Variants in GDNF observed in about 807,000 individuals in gnomAD.
GDNF encodes the protein glial cell line-derived neurotrophic factor.
GDNF carries 5 observed loss-of-function variants against 13.7 expected under a neutral mutation model. The observed-to-expected ratio is 0.36, with a 90% CI of 0.19 to 0.77. GDNF has a LOEUF of 0.77. Among genes scored for constraint, GDNF ranks in the 30% least tolerant of loss-of-function variants. The pLI is 0.51. For missense variants in GDNF, 246 were observed against 274.3 expected, an observed-to-expected ratio of 0.90 and a Z score of 0.73; for synonymous variants, 122 against 112.5, an observed-to-expected ratio of 1.08 and a Z score of -0.53.
In GDNF at chr5:37,834,725, G is replaced by C. The variant is rs146337283; in HGVS notation, c.72C>G (p.Ala24=). ...CGGGCGCCTCGGGAGGCCTCTTACCGGCGGGCAGCGGGAAGGCGGACGCGG... is the reference window on the plus strand; with the variant it reads ...CGGGCGCCTCGGGAGGCCTCTTACCCGCGGGCAGCGGGAAGGCGGACGCGG... The part of the protein sequence containing the change: ...LHTASAFPLP[A]GKRPPEAPAE... The change falls in exon 2 of 3, where the codon GCC becomes GCG. Residue 24 remains alanine (A), a synonymous_variant. Coordinates refer to ENST00000326524, the MANE Select transcript of GDNF (RefSeq NM_000514.4). The C allele has an allele frequency of 1.9e-5, 31 of 1,611,548 alleles. No homozygotes were observed. Among genetic ancestry groups the C allele is most frequent in the Non-Finnish European group, 2.6e-5 (31 of 1,179,206 alleles).
In GDNF at chr5:37,815,634, AGTC is replaced by A. The variant is rs1749889609; in HGVS notation, c.*14_*16del. ...CTGTAGCAGGAATGCAATACACAGC[AGTC>A]TCTGGAGCCGGAGTCAGATACATCC... On this transcript the variant is annotated 3_prime_UTR_variant, in exon 3 of 3. Coordinates refer to ENST00000326524, the MANE Select transcript of GDNF (RefSeq NM_000514.4). The surrounding 1 kb of genome is among the most constrained non-coding windows in gnomAD (Gnocchi z 5.0). 6.2e-7 allele frequency: 1 copy of A among 1,610,624 alleles called. No homozygotes were observed. The highest frequency in any genetic ancestry group is 8.5e-7 in the Non-Finnish European group (1 of 1,177,038).
At chr5:37,825,867 G>A (rs1750295582) in intron 2 of GDNF, among the ~76,000 whole-genome samples, 1 of 152,176 alleles carries the variant, frequency 6.6e-6, no homozygotes, top group African/African-American at 2.4e-5. Context: ...AATTTGTTTG[G>A]TAGATTCTTG....
chr5:37,825,447 A>G (rs1379232588), intron 2 of GDNF, among the ~76,000 whole-genome samples: 1 of 152,236 alleles, frequency 6.6e-6, no homozygotes, highest in African/African-American at 2.4e-5. Flanking sequence ...TAGCTAATCC[A>G]TGAACACCTG....
intron 2 of GDNF, among the ~76,000 whole-genome samples, chr5:37,827,729 C>T (rs1750377926): frequency 6.6e-6 from 1 of 152,074 alleles, no homozygotes; most frequent in South Asian, 2.1e-4. Flanking sequence ...CTTTTCTGAC[C>T]AAAAAGCCAA....
At chr5:37,834,529 C>T (rs947596856) in intron 2 of GDNF, 117 bp downstream of exon 2, 1 of 978,460 alleles carries the variant, frequency 1.0e-6, no homozygotes, top group Non-Finnish European at 1.4e-6. Flanking sequence ...CCCTTGCCCA[C>T]GGGTCGGTAG....
chr5:37,835,171 T>TC (rs1335172343), intron 1 of GDNF, among the ~76,000 whole-genome samples: 65 of 134,128 alleles, frequency 4.8e-4, no homozygotes, highest in African/African-American at 1.8e-3. Flanking sequence ...GTGCGCAACA[T>TC]CCCCCATTCC....
chr5:37,828,454 A>G (rs764117470), intron 2 of GDNF, among the ~76,000 whole-genome samples: 1 of 152,236 alleles, frequency 6.6e-6, no homozygotes, highest in East Asian at 1.9e-4. Context: ...GAAATTTGAT[A>G]GTCTCTGCTT....
At position 37,831,174 on chromosome 5, in the gene GDNF, A is replaced by G. The variant is rs116337519; in HGVS notation, c.151+3472T>C. On this transcript the variant is annotated intron_variant, in intron 2 of 2. Coordinates refer to ENST00000326524, the MANE Select transcript of GDNF (RefSeq NM_000514.4). ...TGTAATTACAACTTAACGATGCTCA[A>G]TGTCATTTTAGTTGGTTTCCAGTTG... 4.0e-3 allele frequency among the ~76,000 whole-genome samples: 607 copies of G among 151,804 alleles called. 3 individuals are homozygous for G. The highest frequency in any genetic ancestry group is 0.014 in the African/African-American group (575 of 41,086).
At chr5:37,832,847 G>T (rs1467057662) in intron 2 of GDNF, among the ~76,000 whole-genome samples, 2 of 152,220 alleles carry the variant, frequency 1.3e-5, no homozygotes, top group African/African-American at 4.8e-5. Context: ...CTCCTGGGGT[G>T]AGACCTAGCA....
chr5:37,832,421 G>A (rs1440330960), intron 2 of GDNF, among the ~76,000 whole-genome samples: 1 of 152,276 alleles, frequency 6.6e-6, no homozygotes. Flanking sequence ...GCTTGCTACC[G>A]AATCAAACAT....
rs1272132743 is a variant in GDNF at position 37,815,777 on chromosome 5, C to T, written c.510G>A (p.Val170=). 4 of 1,614,086 alleles carry T rather than the reference C, an allele frequency of 2.5e-6. No individual in the cohort carries two copies. Among genetic ancestry groups the T allele is most frequent in the Non-Finnish European group, 3.4e-6 (4 of 1,180,048 alleles). Residue 170 remains valine (V), a synonymous_variant, in exon 3 of 3, where the codon GTG becomes GTA. Transcript: ENST00000326524. The surrounding 1 kb of genome is among the most constrained non-coding windows in gnomAD (Gnocchi z 5.0). The part of the protein sequence containing the change: ...LKNLSRNRRL[V]SDKVGQACCR... The stretch of plus-strand genomic sequence containing the variant: ...AACATGCCTGCCCTACTTTGTCACT[C>T]ACCAGCCTTCTATTTCTGGATAAGT...
In GDNF at chr5:37,812,690, G is replaced by A. The variant is rs1455227451; in HGVS notation, c.*2961C>T. ...GAAGTACAGAGAGCAATAGAAATGA[G>A]TTTTTATTTGTAAAAAGTTACAAAA... On this transcript the variant is annotated 3_prime_UTR_variant, in exon 3 of 3. Transcript: ENST00000326524. The A allele has an allele frequency of 6.6e-6, 1 of 152,130 alleles. No individual in the cohort carries two copies. The highest frequency in any genetic ancestry group is 1.5e-5 in the Non-Finnish European group (1 of 68,026). 9.4% of individuals were successfully genotyped at this position (152,130 alleles called of 1,614,324 possible). A position where few individuals can be genotyped will look rare whatever the true frequency, so the allele number is the denominator to read the frequency against.
chr5:37,818,217 G>T (rs1054760659), intron 2 of GDNF, among the ~76,000 whole-genome samples: 6 of 152,184 alleles, frequency 3.9e-5, no homozygotes, highest in African/African-American at 9.6e-5. Flanking sequence ...GATATGGTAT[G>T]GCTGTGTCCC....
intron 2 of GDNF, among the ~76,000 whole-genome samples, chr5:37,819,444 C>CT (rs529362873): frequency 0.14 from 17,569 of 126,184 alleles, 1,319 homozygotes; most frequent in South Asian, 0.29. Flanking sequence ...GTGCTCTTTT[C>CT]TTTTTTTTTT....
chr5:37,832,349 G>C (rs557991445), intron 2 of GDNF, among the ~76,000 whole-genome samples: 1 of 152,334 alleles, frequency 6.6e-6, no homozygotes, highest in South Asian at 2.1e-4. Flanking sequence ...GAGGCGTGTT[G>C]ACACTGGTTG....
chr5:37,825,795 T>C (rs539566077), intron 2 of GDNF, among the ~76,000 whole-genome samples: 1 of 152,272 alleles, frequency 6.6e-6, no homozygotes, highest in Non-Finnish European at 1.5e-5. Flanking sequence ...TGTAAGGGTC[T>C]CAGTGATTTG....
intron 1 of GDNF, 45 bp from the exon 2 acceptor site, chr5:37,834,867 C>A: frequency 6.4e-7 from 1 of 1,572,868 alleles, no homozygotes; most frequent in Non-Finnish European, 8.7e-7. Flanking sequence ...GCAGAATGCA[C>A]GTTAAGCCTG....
intron 2 of GDNF, among the ~76,000 whole-genome samples, chr5:37,831,589 T>C (rs977813331): frequency 2.6e-5 from 4 of 152,182 alleles, no homozygotes; most frequent in African/African-American, 9.6e-5. Context: ...CCCCTTCCCA[T>C]ATAAAGTACA....
chr5:37,818,260 TA>T (rs1366841361), intron 2 of GDNF, among the ~76,000 whole-genome samples: 1 of 152,212 alleles, frequency 6.6e-6, no homozygotes, highest in Non-Finnish European at 1.5e-5. Flanking sequence ...TTAGCTGCCA[TA>T]ATCCCCACAT....
Sources: gnomAD v4.1 joint callset for allele counts (sites outside exome capture counted in the v4.1 genomes callset) on GRCh38, gnomAD v4.1.1 for gene constraint, Gnocchi (gnomAD v3.1) non-coding constraint, MANE v1.5 for transcripts, NCBI Gene and HGNC (gene_info 2026-07-23, HGNC 2026-07-21) for gene names.